Variants in OTOGL observed in about 807,000 individuals in gnomAD.
OTOGL encodes the protein otogelin like.
Under a neutral mutation model 318.5 loss-of-function variants are expected in OTOGL, and 285 were observed. That is an observed-to-expected ratio of 0.89 (90% CI 0.81 to 0.99). The LOEUF (loss-of-function observed/expected upper bound fraction) is 0.99. Ranked by LOEUF, OTOGL falls within the 50% of genes least tolerant of loss-of-function variation. The probability of loss-of-function intolerance (pLI) is 0.00; values close to 1 mark genes in which losing one functional copy is unlikely to be tolerated. For missense variants in OTOGL, 2,899 were observed against 2,845.6 expected (o/e 1.02, Z -0.43); for synonymous variants, 987 against 936.5 (o/e 1.05, Z -0.99).
intron 13 of OTOGL, 106 bp from the exon 14 acceptor site, chr12:80,253,360 G>A (rs921295972): frequency 6.2e-6 from 6 of 964,654 alleles, no homozygotes; most frequent in Non-Finnish European, 9.4e-6. Flanking sequence ...TGTATTTCCA[G>A]CATCATGCGT....
chr12:80,174,103 G>A, intron 1 of OTOGL, among the ~76,000 whole-genome samples: 1 of 152,126 alleles, frequency 6.6e-6, no homozygotes, highest in East Asian at 1.9e-4. Context: ...TCCACGAACT[G>A]GGCAATTGTT....
chr12:80,254,410 A>T lies in OTOGL; in HGVS notation c.1395-114A>T, dbSNP rs867397136. On this transcript the variant is annotated intron_variant, in intron 14 of 58. Transcript: ENST00000547103. ...TTTTGCAGAGATTTTTTTAAGTCAG[A>T]TTATTCTGAACCTATAAACATGATA... 2.5e-5 allele frequency: 14 copies of T among 566,814 alleles called. 1 individual carries two copies. In the Middle Eastern group the frequency reaches 2.3e-3, roughly 94 times the overall value. 35.1% of individuals were successfully genotyped at this position (566,814 alleles called of 1,614,324 possible). A position where few individuals can be genotyped will look rare whatever the true frequency, so the allele number is the denominator to read the frequency against.
At chr12:80,252,981 A>C (rs564171362) in intron 13 of OTOGL, among the ~76,000 whole-genome samples, 4 of 152,350 alleles carry the variant, frequency 2.6e-5, no homozygotes, top group Admixed American at 2.0e-4. Flanking sequence ...GTGCTTAGTA[A>C]CATGGCTGAT....
At chr12:80,225,249 C>T (rs931365114) in intron 7 of OTOGL, among the ~76,000 whole-genome samples, 3 of 152,082 alleles carry the variant, frequency 2.0e-5, no homozygotes, top group Middle Eastern at 3.4e-3. Flanking sequence ...CCCCACCCCT[C>T]ACTTGTTTTC....
rs1885837545 is a variant in OTOGL, at chr12:80,302,637, C to A, written c.3067C>A (p.Gln1023Lys). Residue 1023 changes from glutamine (Q) to lysine (K), a missense_variant, in exon 28 of 59, where the codon CAA (glutamine) becomes AAA (lysine). By Grantham distance (53) the Gln-to-Lys change is moderately conservative. This residue lies in a region of OTOGL where 2,607 missense variants were observed against 2,524.9 expected (regional missense o/e 1.03). Transcript: ENST00000547103. ...YLNDTPYKQK[Q>K]SGFFLENKST... ...TATTTTCTTTTTTGTTTTTAAGAAA[C>A]AATCAGGTTTTTTTCTGGAAAACAA... The A allele has an allele frequency of 4.4e-6, 6 of 1,359,354 alleles. No homozygotes were observed. Among genetic ancestry groups the A allele is most frequent in the Non-Finnish European group, 5.7e-6 (6 of 1,052,402 alleles). The allele number at this position is 1,359,354 out of a possible 1,614,324, so 84.2% of individuals were successfully genotyped here. A position where few individuals can be genotyped will look rare whatever the true frequency, so the allele number is the denominator to read the frequency against.
chr12:80,186,783 A>T (rs536684661), intron 1 of OTOGL, among the ~76,000 whole-genome samples: 6 of 152,140 alleles, frequency 3.9e-5, no homozygotes, highest in African/African-American at 1.4e-4. Flanking sequence ...GTTCAGTTAA[A>T]AACTGTTTGA....
intron 22 of OTOGL, 44 bp from the exon 23 acceptor site, chr12:80,270,058 A>ACC (rs750789314): frequency 1.3e-5 from 17 of 1,354,600 alleles, no homozygotes; most frequent in African/African-American, 4.5e-5. Context: ...AAAAAAAAAA[A>ACC]CAACAGATTT....
In OTOGL at chr12:80,279,122, C is replaced by G. The variant is rs561655135; in HGVS notation, c.2884C>G (p.Leu962Val). 56 of 1,594,274 alleles carry G rather than the reference C, an allele frequency of 3.5e-5. No individual in the cohort carries two copies. In the South Asian group the frequency reaches 5.5e-4, roughly 16 times the overall value. Reference sequence around the variant, plus strand: ...CCGACATTATTATTCTTTTGATGGACTAGAATATGACTATATCAGTGATTG... The same window carrying G: ...CCGACATTATTATTCTTTTGATGGAGTAGAATATGACTATATCAGTGATTG... ...GDRHYYSFDG[L>V]EYDYISDCQV... The change falls in exon 26 of 59, where the codon CTA becomes GTA. Residue 962 changes from leucine to valine, a missense_variant. Leu to Val is a conservative substitution (Grantham distance 32). Coordinates refer to ENST00000547103, the MANE Select transcript of OTOGL (RefSeq NM_001378609.3).
intron 1 of OTOGL, among the ~76,000 whole-genome samples, chr12:80,116,923 G>A (rs1363717916): frequency 6.6e-6 from 1 of 152,138 alleles, no homozygotes; most frequent in Non-Finnish European, 1.5e-5. Context: ...CTGAACTTTG[G>A]TTTTGTTTTC....
chr12:80,287,156 CTAG>C (rs2137660994), intron 26 of OTOGL, among the ~76,000 whole-genome samples: 1 of 151,740 alleles, frequency 6.6e-6, no homozygotes, highest in East Asian at 1.9e-4. Flanking sequence ...AGTTATTTAC[CTAG>C]TAGTCATTCA....
chr12:80,142,245 T>G (rs1304564186), intron 1 of OTOGL, among the ~76,000 whole-genome samples: 2 of 152,158 alleles, frequency 1.3e-5, no homozygotes, highest in African/African-American at 4.8e-5. Context: ...TTTAGTAATA[T>G]ATCATAGATT....
At chr12:80,293,733 C>A (rs1885201259) in intron 26 of OTOGL, among the ~76,000 whole-genome samples, 2 of 151,744 alleles carry the variant, frequency 1.3e-5, no homozygotes, top group African/African-American at 4.8e-5. Context: ...GATCTTCCTG[C>A]AAAACATTAA....
At chr12:80,123,934 A>G (rs1459962521) in intron 1 of OTOGL, among the ~76,000 whole-genome samples, 3 of 152,146 alleles carry the variant, frequency 2.0e-5, no homozygotes, top group African/African-American at 2.4e-5. Flanking sequence ...GATTCTGGAT[A>G]TTAGCTCTTT....
intron 52 of OTOGL, among the ~76,000 whole-genome samples, chr12:80,359,433 T>C (rs1890111253): frequency 6.6e-6 from 1 of 152,222 alleles, no homozygotes; most frequent in Non-Finnish European, 1.5e-5. Context: ...TTGTTTTCTT[T>C]AACTATCTTC....
intron 43 of OTOGL, among the ~76,000 whole-genome samples, chr12:80,340,938 T>TTG (rs1373990908): frequency 3.3e-5 from 5 of 150,374 alleles, no homozygotes; most frequent in Non-Finnish European, 7.4e-5. Flanking sequence ...CCACTTAGGT[T>TTG]TTTTTTTTTT....
At chr12:80,183,268 C>T (rs527541595) in intron 1 of OTOGL, among the ~76,000 whole-genome samples, 20 of 152,308 alleles carry the variant, frequency 1.3e-4, no homozygotes, top group African/African-American at 4.6e-4. Context: ...CTCCCTTTCT[C>T]TCTCTCTCAG....
intron 1 of OTOGL, among the ~76,000 whole-genome samples, chr12:80,107,463 G>A (rs536960936): frequency 9.2e-5 from 14 of 152,274 alleles, no homozygotes; most frequent in East Asian, 7.7e-4. Context: ...ATGCTAGTGA[G>A]GTTGCGGAGA....
At chr12:80,193,663 G>T (rs1875851585) in intron 1 of OTOGL, among the ~76,000 whole-genome samples, 1 of 152,168 alleles carries the variant, frequency 6.6e-6, no homozygotes, top group Admixed American at 6.5e-5. Flanking sequence ...AGTTTTCCAA[G>T]TGAGATTCAC....
chr12:80,290,928 T>A (rs967371766), intron 26 of OTOGL, among the ~76,000 whole-genome samples: 1 of 152,356 alleles, frequency 6.6e-6, no homozygotes. Context: ...GCCTTATATT[T>A]CTTGTTATTC....
Sources: gnomAD v4.1 joint callset for allele counts (sites outside exome capture counted in the v4.1 genomes callset) on GRCh38, gnomAD v4.1.1 for gene constraint, gnomAD v4.1.1 regional missense constraint, MANE v1.5 for transcripts, NCBI Gene and HGNC (gene_info 2026-07-23, HGNC 2026-07-21) for gene names.